DPP6: variants seen among roughly 807,000 people sequenced by gnomAD.
DPP6 encodes the protein A-type potassium channel modulatory protein DPP6.
In DPP6, 69 loss-of-function variants were observed where a neutral mutation model predicts 122.6. That is an observed-to-expected ratio of 0.56 (90% CI 0.46 to 0.69). DPP6 has a LOEUF of 0.69. Ranked by LOEUF, DPP6 falls within the 30% of genes least tolerant of loss-of-function variation. The probability of loss-of-function intolerance (pLI) is 0.00; values close to 1 mark genes in which losing one functional copy is unlikely to be tolerated. For missense variants in DPP6, 928 were observed against 1,116.9 expected (o/e 0.83, Z 2.41); for synonymous variants, 418 against 433.1 (o/e 0.97, Z 0.43).
chr7:153,802,025 G>C, the DPP6 span, among the ~76,000 whole-genome samples: 12 of 152,344 alleles, frequency 7.9e-5, no homozygotes, highest in African/African-American at 2.6e-4. Flanking sequence ...AATGAAAAGT[G>C]TAAGTGACTT....
intron 16 of DPP6, among the ~76,000 whole-genome samples, chr7:154,832,800 C>T (rs554281033): frequency 3.9e-5 from 6 of 152,342 alleles, no homozygotes; most frequent in Admixed American, 1.3e-4. Context: ...TGCTTCTCCT[C>T]GCAGGACCGT....
intron 1 of DPP6, among the ~76,000 whole-genome samples, chr7:154,428,980 G>C (rs879697516): frequency 6.6e-6 from 1 of 152,068 alleles, no homozygotes; most frequent in Non-Finnish European, 1.5e-5. Context: ...AAAACCACTT[G>C]TACCTCAAAA....
intron 1 of DPP6, among the ~76,000 whole-genome samples, chr7:154,194,190 A>G (rs1428375336): frequency 6.6e-6 from 1 of 152,198 alleles, no homozygotes; most frequent in Non-Finnish European, 1.5e-5. Context: ...TATAGCTTGA[A>G]AAAGCAACAC....
At chr7:154,385,501 A>G (rs1192992247) in intron 1 of DPP6, among the ~76,000 whole-genome samples, 7 of 152,142 alleles carry the variant, frequency 4.6e-5, no homozygotes, top group African/African-American at 1.7e-4. Flanking sequence ...CTGTCAATCA[A>G]GATGCTAAAT....
intron 16 of DPP6, among the ~76,000 whole-genome samples, chr7:154,852,780 A>C (rs1027405846): frequency 2.0e-5 from 3 of 152,244 alleles, no homozygotes; most frequent in African/African-American, 7.2e-5. Flanking sequence ...TGTGGTAATG[A>C]GTTCTACAAA....
At chr7:153,967,752 A>G (rs39165) in intron 1 of DPP6, among the ~76,000 whole-genome samples, 1 of 151,866 alleles carries the variant, frequency 6.6e-6, no homozygotes, top group East Asian at 1.9e-4. Flanking sequence ...TCTTTCACAA[A>G]CTATTAATGA....
intron 1 of DPP6, among the ~76,000 whole-genome samples, chr7:153,955,740 G>A (rs1311742937): frequency 2.0e-5 from 3 of 152,160 alleles, no homozygotes; most frequent in East Asian, 1.9e-4. Context: ...CGCCCGGCCC[G>A]TTGTTGTTAT....
chr7:154,838,686 C>A (rs1801281042), intron 16 of DPP6: 1 of 152,252 alleles, frequency 6.6e-6, no homozygotes, highest in African/African-American at 2.4e-5. Context: ...ACGTGCAAGA[C>A]CGGATAACGG....
chr7:153,966,535 A>C, intron 1 of DPP6, among the ~76,000 whole-genome samples: 1 of 119,594 alleles, frequency 8.4e-6, no homozygotes, highest in Non-Finnish European at 1.7e-5. Flanking sequence ...AAGTAATTAA[A>C]CGGTCTGTCC....
intron 6 of DPP6, among the ~76,000 whole-genome samples, chr7:154,652,512 AG>A (rs1210419205): frequency 6.6e-6 from 1 of 151,972 alleles, no homozygotes; most frequent in Non-Finnish European, 1.5e-5. Flanking sequence ...CTCTGGGAGA[AG>A]GGAGCGTTTA....
chr7:154,849,527 C>A (rs1413077304), intron 16 of DPP6, among the ~76,000 whole-genome samples: 1 of 152,176 alleles, frequency 6.6e-6, no homozygotes, highest in Non-Finnish European at 1.5e-5. Flanking sequence ...GTGTAACCTG[C>A]AGCTTTACTG....
chr7:154,106,849 G>T (rs1344463984), intron 1 of DPP6, among the ~76,000 whole-genome samples: 1 of 152,110 alleles, frequency 6.6e-6, no homozygotes, highest in Non-Finnish European at 1.5e-5. Flanking sequence ...AGTGAGGGAA[G>T]GAGCAACGCA....
At chr7:154,469,576 T>C (rs1007305147) in intron 2 of DPP6, among the ~76,000 whole-genome samples, 2 of 152,180 alleles carry the variant, frequency 1.3e-5, no homozygotes, top group African/African-American at 4.8e-5. Context: ...TCCCCAAGGT[T>C]CATATGGTGA....
At chr7:154,826,597 A>G (rs1006462143) in intron 16 of DPP6, among the ~76,000 whole-genome samples, 3 of 152,240 alleles carry the variant, frequency 2.0e-5, no homozygotes, top group Non-Finnish European at 4.4e-5. Flanking sequence ...CAAATCAAAC[A>G]TGGAACAACA....
chr7:153,981,497 A>G (rs144647643), intron 1 of DPP6, among the ~76,000 whole-genome samples: 1,903 of 152,164 alleles, frequency 0.013, 41 homozygotes, highest in African/African-American at 0.043. Context: ...TCTTTATCCA[A>G]TTTGCCAGTT....
At position 154,163,302 on chromosome 7, in the gene DPP6, TGAGTC is replaced by T. The variant is rs141508202; in HGVS notation, c.243+110243_243+110247del. Among the ~76,000 whole-genome samples, 1,277 of 152,316 alleles carry T rather than the reference TGAGTC, an allele frequency of 8.4e-3. 22 individuals carry two copies. Among genetic ancestry groups the T allele is most frequent in the African/African-American group, 0.027 (1,133 of 41,574 alleles). On this transcript the variant is annotated intron_variant, in intron 1 of 25. Coordinates refer to ENST00000377770, the MANE Select transcript of DPP6 (RefSeq NM_130797.4). ...CCCAGACTCTGTGTGTTGCTAGTGT[TGAGTC>T]GAGCTGGACACCTGGAATCTGTGCG... is the stretch of plus-strand genomic sequence containing the variant.
chr7:154,207,001 G>A (rs974659292), intron 1 of DPP6, among the ~76,000 whole-genome samples: 6 of 152,222 alleles, frequency 3.9e-5, no homozygotes, highest in East Asian at 1.9e-4. Flanking sequence ...AAAGGGTACC[G>A]AAGTGCTGCT....
chr7:153,889,450 G>A (rs960703182), intron 1 of DPP6, among the ~76,000 whole-genome samples: 5 of 152,146 alleles, frequency 3.3e-5, no homozygotes, highest in African/African-American at 1.2e-4. Context: ...CTGAAGTTAA[G>A]GATTGAGGTT....
chr7:154,063,024 A>C lies in DPP6; in HGVS notation c.243+9961A>C, dbSNP rs1452281738. Among the ~76,000 whole-genome samples, 165 of 88,726 alleles carry C rather than the reference A, an allele frequency of 1.9e-3. 20 individuals carry two copies. Among genetic ancestry groups the C allele is most frequent in the Middle Eastern group, 7.8e-3 (1 of 128 alleles). 58.2% of individuals were successfully genotyped at this position (88,726 alleles called of 152,430 possible). ...CCTCTTCCCCCCCTGGCTCTGAGGA[A>C]CCCCATCACAGGAGGGGGAGGCACC... is the stretch of plus-strand genomic sequence containing the variant. On this transcript the variant is annotated intron_variant, in intron 1 of 25. Transcript: ENST00000377770.
Sources: allele counts gnomAD v4.1 joint callset (sites outside exome capture counted in the v4.1 genomes callset), GRCh38; gene constraint gnomAD v4.1.1; transcripts MANE v1.5; gene names NCBI Gene and HGNC (gene_info 2026-07-23, HGNC 2026-07-21).